C22orf42: variants seen among roughly 807,000 people sequenced by gnomAD.
C22orf42 encodes the protein chromosome 22 open reading frame 42, also known as uncharacterized protein C22orf42.
A neutral mutation model predicts 31.4 loss-of-function variants in C22orf42; 24 were observed. The ratio of observed to expected loss-of-function variants is 0.77; its 90% CI spans 0.55 to 1.08. The LOEUF is 1.08. Among genes scored for constraint, C22orf42 ranks in the 50% least tolerant of loss-of-function variants. The probability of loss-of-function intolerance (pLI) is 0.00; values close to 1 mark genes in which losing one functional copy is unlikely to be tolerated. For missense variants in C22orf42, 276 were observed against 327.3 expected, an observed-to-expected ratio of 0.84 and a Z score of 1.21; for synonymous variants, 96 against 112.7, an observed-to-expected ratio of 0.85 and a Z score of 0.94.
intron 6 of C22orf42, chr22:32,150,750 A>G (rs1302145541): frequency 3.1e-6 from 2 of 635,052 alleles, no homozygotes; most frequent in Non-Finnish European, 5.6e-6. Flanking sequence ...GCACTGTACT[A>G]TAGAAACAGG....
intron 6 of C22orf42, 33 bp downstream of exon 6, chr22:32,150,959 C>G (rs2019949): frequency 6.3e-7 from 1 of 1,594,902 alleles, no homozygotes; most frequent in Non-Finnish European, 8.6e-7. Flanking sequence ...GTCAACTACA[C>G]GTAAATAAAG....
intron 2 of C22orf42, among the ~76,000 whole-genome samples, chr22:32,153,396 C>G (rs1299283018): frequency 3.8e-4 from 58 of 152,010 alleles, no homozygotes; most frequent in Admixed American, 3.8e-3. Flanking sequence ...TAAGAAGAGT[C>G]AAATCAAAAA....
chr22:32,154,149 C>T, intron 2 of C22orf42, 95 bp downstream of exon 2: 1 of 1,125,066 alleles, frequency 8.9e-7, no homozygotes, highest in East Asian at 2.4e-5. Context: ...AAGAACATGA[C>T]ATAGCATTTA....
chr22:32,155,117 G>C (rs1198109759), intron 1 of C22orf42, among the ~76,000 whole-genome samples: 9 of 152,144 alleles, frequency 5.9e-5, no homozygotes, highest in Admixed American at 5.9e-4. Context: ...AATGTAGTTG[G>C]TTCCCTGGGG....
chr22:32,156,804 A>G (rs1351481030), intron 1 of C22orf42, among the ~76,000 whole-genome samples: 1 of 151,510 alleles, frequency 6.6e-6, no homozygotes, highest in African/African-American at 2.4e-5. Context: ...AAATAATGCA[A>G]CAAGGACTTT....
upstream of C22orf42, chr22:32,160,409 C>T (rs1790823700): frequency 6.6e-6 from 1 of 152,102 alleles, no homozygotes; most frequent in South Asian, 2.1e-4. Flanking sequence ...CAGTCCCAAC[C>T]CTCAGTGAGT....
At chr22:32,158,933 G>A (rs1477292373) in intron 1 of C22orf42, 51 bp downstream of exon 1, 1 of 1,600,246 alleles carries the variant, frequency 6.2e-7, no homozygotes, top group East Asian at 2.2e-5. Context: ...GGTGGGGGCG[G>A]TGGTGGCCAG....
At position 32,149,766 on chromosome 22, in the gene C22orf42, A is replaced by C. The variant is rs535937358; in HGVS notation, c.669T>G (p.Tyr223Ter). 6 of 1,478,434 alleles carry C rather than the reference A, an allele frequency of 4.1e-6. No homozygotes were observed. In the Admixed American group the frequency reaches 6.8e-5, roughly 17 times the overall value. The allele number at this position is 1,478,434 out of a possible 1,614,324, so 91.6% of individuals were successfully genotyped here. A position where few individuals can be genotyped will look rare whatever the true frequency, so the allele number is the denominator to read the frequency against. ...LMTPEMAKERYEDYLCWVKMA... is the reference protein window; with the variant it reads ...LMTPEMAKER ...ATATATACTTACAGAGGTAATCTTC[A>C]TATCTCTCCTTTGCCTGCAATAGGA... The change falls in exon 8 of 9, where the codon TAT becomes TAG. Residue 223 changes from tyrosine to a stop codon, truncating the protein, a stop_gained. Transcript: ENST00000382097. LOFTEE classifies it high-confidence loss of function.
chr22:32,149,668 T>C, intron 8 of C22orf42, 55 bp from the exon 9 acceptor site: 1 of 1,256,436 alleles, frequency 8.0e-7, no homozygotes, highest in Non-Finnish European at 1.0e-6. Flanking sequence ...TATATATATA[T>C]CTACATATAT....
At chr22:32,152,472 T>C in intron 3 of C22orf42, 90 bp downstream of exon 3, 1 of 1,112,486 alleles carries the variant, frequency 9.0e-7, no homozygotes, top group African/African-American at 1.5e-5. Context: ...TGAATCATGA[T>C]GGCAGTCAAA....
chr22:32,160,028 C>A (rs946014640), upstream of C22orf42: 1 of 152,222 alleles, frequency 6.6e-6, no homozygotes, highest in Admixed American at 6.5e-5. Context: ...ATACCACTGT[C>A]CTCATTTGAT....
rs769089847 is a variant in C22orf42 at position 32,152,593 on chromosome 22, C to T, written c.341G>A (p.Gly114Asp). The T allele has an allele frequency of 4.3e-6, 7 of 1,613,680 alleles. No homozygotes were observed. The South Asian group carries it at 5.5e-5, about 13-fold the overall frequency. Residue 114 changes from glycine to aspartate, a missense_variant, in exon 3 of 9, where the codon GGC becomes GAC. By Grantham distance (94) the Gly-to-Asp change is moderately conservative. Transcript: ENST00000382097. ...TGATGTCATATTCTCCTCCACACCG[C>T]CGTGTGCAGACGCCTGCACATCTTC... ...PTEDVQASAH[G>D]GVEENMTSDI...
At chr22:32,155,486 C>T (rs1239170379) in intron 1 of C22orf42, among the ~76,000 whole-genome samples, 2 of 151,254 alleles carry the variant, frequency 1.3e-5, no homozygotes, top group African/African-American at 4.9e-5. Context: ...ACACAGCATA[C>T]CATGGAGCTG....
Position 32,149,446 on chromosome 22 carries a change from T to C in C22orf42, c.*94A>G. 7.4e-7 allele frequency: 1 copy of C among 1,348,152 alleles called. No individual in the cohort carries two copies. Among genetic ancestry groups the C allele is most frequent in the Non-Finnish European group, 9.7e-7 (1 of 1,028,210 alleles). The allele number at this position is 1,348,152 out of a possible 1,614,324, so 83.5% of individuals were successfully genotyped here. ...CTCAGTAGGAAGAGAGAGAGGCTTG[T>C]GATTTTTTTTTCACCCAGATGGAAA... On this transcript the variant is annotated 3_prime_UTR_variant, in exon 9 of 9. Coordinates refer to ENST00000382097, the MANE Select transcript of C22orf42 (RefSeq NM_001010859.3).
chr22:32,156,064 A>G (rs1921244518), intron 1 of C22orf42, among the ~76,000 whole-genome samples: 1 of 152,132 alleles, frequency 6.6e-6, no homozygotes, highest in African/African-American at 2.4e-5. Flanking sequence ...ACTGAGTTAC[A>G]AGTATCTCCA....
At chr22:32,150,049 T>G in intron 7 of C22orf42, 1 of 544,898 alleles carries the variant, frequency 1.8e-6, no homozygotes, top group South Asian at 2.9e-5. Flanking sequence ...CCAGATAGTT[T>G]GTAAGTGATG....
rs564995494 is a variant in C22orf42 at position 32,150,991 on chromosome 22, C to A, written c.493+1G>T. ...AAAGCTGTTTAAAAAAAAATACGTA[C>A]GGTGGTCGTGCTTGGCCTCAGATAT... On this transcript the variant is annotated splice_donor_variant, in intron 6 of 8. Coordinates refer to ENST00000382097, the MANE Select transcript of C22orf42 (RefSeq NM_001010859.3). LOFTEE classifies it high-confidence loss of function. 1.9e-6 allele frequency: 3 copies of A among 1,611,242 alleles called. No individual in the cohort carries two copies. Among genetic ancestry groups the A allele is most frequent in the South Asian group, 2.2e-5 (2 of 90,366 alleles).
At position 32,152,714 on chromosome 22, in the gene C22orf42, T is replaced by C. The variant is rs551729036; in HGVS notation, c.308-88A>G. 93 of 1,301,080 alleles carry C rather than the reference T, an allele frequency of 7.1e-5. 2 individuals are homozygous for C. In the African/African-American group the frequency reaches 9.3e-4, roughly 13 times the overall value. The allele number at this position is 1,301,080 out of a possible 1,614,324, so 80.6% of individuals were successfully genotyped here. On this transcript the variant is annotated intron_variant, in intron 2 of 8. Coordinates refer to ENST00000382097, the MANE Select transcript of C22orf42 (RefSeq NM_001010859.3). The stretch of plus-strand genomic sequence containing the variant: ...TGGGGGATGTGGACCGGGGCTGGAG[T>C]ATGTGGAGGTGGGCGGTTGACAGGC...
Position 32,150,490 on chromosome 22 carries a change from A to G in C22orf42, c.494-11T>C, listed in dbSNP as rs199563073. 96 of 1,613,966 alleles carry G rather than the reference A, an allele frequency of 5.9e-5. No homozygotes were observed. Among genetic ancestry groups the G allele is most frequent in the Non-Finnish European group, 6.9e-5 (81 of 1,179,956 alleles). On this transcript the variant is annotated splice_polypyrimidine_tract_variant and intron_variant, in intron 6 of 8. Transcript: ENST00000382097. ...GATCTTCGACCAAATCTAGGAGAAC[A>G]TAGTGACAGTCAGTGCATTGGTGCT...
Sources: allele counts gnomAD v4.1 joint callset (sites outside exome capture counted in the v4.1 genomes callset), GRCh38; gene constraint gnomAD v4.1.1; transcripts MANE v1.5; gene names NCBI Gene and HGNC (gene_info 2026-07-23, HGNC 2026-07-21).